The following NLRP13 variants were observed in gnomAD, a reference collection of about 807,000 sequenced individuals.
The protein encoded by NLRP13 is NLR family pyrin domain containing 13.
Under a neutral mutation model 94.4 loss-of-function variants are expected in NLRP13, and 82 were observed. That is an observed-to-expected ratio of 0.87 (90% CI 0.73 to 1.04). NLRP13 has a LOEUF of 1.04. NLRP13 is among the 50% of genes least tolerant of loss of function. The probability of loss-of-function intolerance (pLI) is 0.00; values close to 1 mark genes in which losing one functional copy is unlikely to be tolerated. For synonymous variants in NLRP13, 553 were observed against 464.7 expected (o/e 1.19, Z -2.45); for missense variants, 1,426 against 1,230.8 (o/e 1.16, Z -2.37).
Position 55,903,352 on chromosome 19 carries a change from G to A in NLRP13, c.2619-1147C>T, listed in dbSNP as rs140922085. 3.9e-3 allele frequency among the ~76,000 whole-genome samples: 601 copies of A among 152,196 alleles called. 23 individuals are homozygous for A. The South Asian group carries it at 0.086, about 22-fold the overall frequency. On this transcript the variant is annotated intron_variant, in intron 8 of 10. Transcript: ENST00000342929. Reference sequence around the variant, plus strand: ...GATAATCAACTTGGTGACACCTAAAGGTCCTTGGCCTTTTCTGTGCTTTTT... The same window carrying A: ...GATAATCAACTTGGTGACACCTAAAAGTCCTTGGCCTTTTCTGTGCTTTTT...
Position 55,912,747 on chromosome 19 carries a change from G to A in NLRP13, c.1070C>T (p.Ala357Val). 2.5e-6 allele frequency: 4 copies of A among 1,614,162 alleles called. No individual in the cohort carries two copies. Among genetic ancestry groups the A allele is most frequent in the Non-Finnish European group, 3.4e-6 (4 of 1,180,028 alleles). Residue 357 changes from alanine (A) to valine (V), a missense_variant, in exon 5 of 11, where the codon GCT becomes GTT. Ala to Val is a moderately conservative substitution (Grantham distance 64). Coordinates refer to ENST00000342929, the MANE Select transcript of NLRP13 (RefSeq NM_176810.2). ...SLLKKELVPL[A>V]TLLITIKTWF... ...GGTCTTGATCGTGATCAGTAAGGTA[G>A]CCAGGGGAACCAATTCTTTCTTCAA... is the stretch of plus-strand genomic sequence containing the variant.
downstream of NLRP13, chr19:55,892,229 T>G (rs1433966973): frequency 2.7e-6 from 2 of 753,996 alleles, no homozygotes; most frequent in Non-Finnish European, 3.6e-6. Context: ...ATGGGTCTAC[T>G]GTGTGGCATG....
In NLRP13 at chr19:55,916,140, G is replaced by A. The variant is rs556965227; in HGVS notation, c.524-2847C>T. Among the ~76,000 whole-genome samples, 7 of 152,228 alleles carry A rather than the reference G, an allele frequency of 4.6e-5. No individual in the cohort carries two copies. In the East Asian group the frequency reaches 1.4e-3, roughly 29 times the overall value. On this transcript the variant is annotated intron_variant, in intron 4 of 10. Transcript: ENST00000342929. ...TGTCTATAACCAAGGAATTTATAGA[G>A]TCTTTGTCAATGAAAGCACTCAGAA...
chr19:55,930,898 A>ACACGTATATATATACATATATAT, intron 1 of NLRP13, among the ~76,000 whole-genome samples: 1 of 104,904 alleles, frequency 9.5e-6, no homozygotes, highest in African/African-American at 3.9e-5. Context: ...ATATATATAT[A>ACACGTATATATATACATATATAT]AAATTTTAAC....
chr19:55,908,456 A>G (rs974334839), intron 6 of NLRP13, among the ~76,000 whole-genome samples: 1 of 152,242 alleles, frequency 6.6e-6, no homozygotes, highest in African/African-American at 2.4e-5. Context: ...GTTCTATTAT[A>G]AAGACATATG....
At chr19:55,930,896 A>T (rs1342908082) in intron 1 of NLRP13, among the ~76,000 whole-genome samples, 3 of 111,346 alleles carry the variant, frequency 2.7e-5, no homozygotes, top group South Asian at 3.0e-4. Flanking sequence ...ATATATATAT[A>T]TAAAATTTTA....
intron 9 of NLRP13, among the ~76,000 whole-genome samples, chr19:55,901,228 T>C (rs1035145923): frequency 2.0e-5 from 3 of 152,368 alleles, no homozygotes; most frequent in African/African-American, 7.2e-5. Context: ...AGTGCTTCTC[T>C]TTGGCCCGTC....
Position 55,898,831 on chromosome 19 carries a change from C to G in NLRP13, c.2896G>C (p.Asp966His), listed in dbSNP as rs1026970984. The G allele has an allele frequency of 6.2e-7, 1 of 1,613,978 alleles. No individual in the cohort carries two copies. The highest frequency in any genetic ancestry group is 8.5e-7 in the Non-Finnish European group (1 of 1,179,926). Residue 966 changes from aspartate to histidine, a missense_variant, in exon 10 of 11, where the codon GAT becomes CAT. Coordinates refer to ENST00000342929, the MANE Select transcript of NLRP13 (RefSeq NM_176810.2). ...ILDLGENDLQ[D>H]DGVKLLCEAL... Reference sequence around the variant, plus strand: ...TCACACAGTAGCTTCACTCCATCATCCTGAAGATCATTTTCTCCCAAATCC... The same window carrying G: ...TCACACAGTAGCTTCACTCCATCATGCTGAAGATCATTTTCTCCCAAATCC...
At position 55,932,172 on chromosome 19, in the gene NLRP13, GCCGA is replaced by G. The variant is rs1987166400; in HGVS notation, c.136_139del (p.Ser46ProfsTer14). On this transcript the variant is annotated frameshift_variant, in exon 1 of 11. Coordinates refer to ENST00000342929, the MANE Select transcript of NLRP13 (RefSeq NM_176810.2). LOFTEE classifies it high-confidence loss of function. Reference sequence around the variant, plus strand: ...GATACGCGGGAAGTGCCCCTGGGGGGCCGACCAGAAGTCCATCAGCTGCTGGGGT... The same window carrying G: ...GATACGCGGGAAGTGCCCCTGGGGGGCCAGAAGTCCATCAGCTGCTGGGGT... The G allele has an allele frequency of 6.2e-7, 1 of 1,614,104 alleles. No homozygotes were observed. The highest frequency in any genetic ancestry group is 2.2e-5 in the East Asian group (1 of 44,864).
chr19:55,925,090 G>A (rs956253421), intron 1 of NLRP13, 55 bp from the exon 2 acceptor site: 1 of 1,490,920 alleles, frequency 6.7e-7, no homozygotes, highest in South Asian at 1.1e-5. Context: ...AAATGGACCA[G>A]CAATAATGGA....
At chr19:55,906,067 G>C (rs988595677) in intron 7 of NLRP13, among the ~76,000 whole-genome samples, 3 of 152,140 alleles carry the variant, frequency 2.0e-5, no homozygotes, top group African/African-American at 7.2e-5. Flanking sequence ...GCCAGGCGTG[G>C]TGGCTCACGC....
intron 10 of NLRP13, among the ~76,000 whole-genome samples, chr19:55,896,518 C>CAAAAA (rs776309030): frequency 3.3e-5 from 3 of 90,150 alleles, no homozygotes; most frequent in East Asian, 6.3e-4. Flanking sequence ...GATTCTGTCT[C>CAAAAA]AAAAAAAAAA....
chr19:55,898,688 A>G, intron 10 of NLRP13, 82 bp downstream of exon 10: 1 of 1,376,820 alleles, frequency 7.3e-7, no homozygotes, highest in Admixed American at 2.5e-5. Context: ...TCACTTTCTA[A>G]CCCCCGATGG....
chr19:55,915,252 G>C (rs369570314), intron 4 of NLRP13, among the ~76,000 whole-genome samples: 1 of 152,154 alleles, frequency 6.6e-6, no homozygotes, highest in Non-Finnish European at 1.5e-5. Context: ...AAGGAGGTTC[G>C]AGATGGCTGA....
intron 8 of NLRP13, 67 bp downstream of exon 8, chr19:55,904,875 G>C (rs1429261883): frequency 1.5e-6 from 2 of 1,324,506 alleles, no homozygotes; most frequent in Non-Finnish European, 1.0e-6. Flanking sequence ...ATCAAATGAA[G>C]AAACCATTGT....
At chr19:55,916,899 C>G (rs1986689371) in intron 4 of NLRP13, among the ~76,000 whole-genome samples, 1 of 152,018 alleles carries the variant, frequency 6.6e-6, no homozygotes, top group Non-Finnish European at 1.5e-5. Flanking sequence ...AGAAGGGCCT[C>G]ACTATGATAT....
intron 5 of NLRP13, 132 bp downstream of exon 5, chr19:55,911,574 G>T: frequency 3.6e-6 from 3 of 825,580 alleles, no homozygotes; most frequent in Non-Finnish European, 5.8e-6. Flanking sequence ...AGTTAGAGCT[G>T]CTCCAGACCA....
rs745548731 is a variant in NLRP13 at position 55,913,350 on chromosome 19, G to A, written c.524-57C>T. On this transcript the variant is annotated intron_variant, in intron 4 of 10. Transcript: ENST00000342929. Reference sequence around the variant, plus strand: ...AAGAATAAATTTCAGAGTTAGGAATGATTCAGTTACAAAGTTCCTACCCCA... The same window carrying A: ...AAGAATAAATTTCAGAGTTAGGAATAATTCAGTTACAAAGTTCCTACCCCA... 1.2e-5 allele frequency: 19 copies of A among 1,528,990 alleles called. No individual in the cohort carries two copies. The East Asian group carries it at 3.8e-4, about 31-fold the overall frequency. 94.7% of individuals were successfully genotyped at this position (1,528,990 alleles called of 1,614,324 possible). A position where few individuals can be genotyped will look rare whatever the true frequency, so the allele number is the denominator to read the frequency against.
chr19:55,927,368 G>GGA (rs1384751236), intron 1 of NLRP13, among the ~76,000 whole-genome samples: 3 of 84,676 alleles, frequency 3.5e-5, no homozygotes, highest in African/African-American at 5.5e-5. Flanking sequence ...GCTCCATCTA[G>GGA]GAAAAAAAAA....
Sources: gnomAD v4.1 joint callset for allele counts (sites outside exome capture counted in the v4.1 genomes callset) on GRCh38, gnomAD v4.1.1 for gene constraint, MANE v1.5 for transcripts, NCBI Gene and HGNC (gene_info 2026-07-23, HGNC 2026-07-21) for gene names.